The following CLEC10A variants were observed in gnomAD, a reference collection of about 807,000 sequenced individuals.
The protein encoded by CLEC10A is C-type lectin domain containing 10A.
In CLEC10A, 38 loss-of-function variants were observed where a neutral mutation model predicts 42.0. The ratio of observed to expected loss-of-function variants is 0.90; its 90% CI spans 0.70 to 1.18. The LOEUF (loss-of-function observed/expected upper bound fraction) is 1.18, where lower values mean the gene tolerates loss of function less well. Among genes scored for constraint, CLEC10A ranks in the 50% most tolerant of loss-of-function variants. The pLI, the probability that CLEC10A is intolerant of heterozygous loss-of-function variation, is 0.00. For missense variants in CLEC10A, 298 were observed against 345.9 expected (o/e 0.86, Z 1.10); for synonymous variants, 126 against 139.9 (o/e 0.90, Z 0.70).
intron 3 of CLEC10A, among the ~76,000 whole-genome samples, chr17:7,077,675 A>T (rs1447385968): frequency 2.0e-5 from 1 of 50,922 alleles, no homozygotes; most frequent in African/African-American, 8.6e-5. Flanking sequence ...TGCCCCCACC[A>T]CCGTCCCCAT....
At chr17:7,078,510 G>A (rs980312565) in intron 2 of CLEC10A, 21 of 565,058 alleles carry the variant, frequency 3.7e-5, no homozygotes, top group East Asian at 1.4e-4. Flanking sequence ...CCACCAATGC[G>A]CAGCTCTCAT....
In CLEC10A at chr17:7,076,917, C is replaced by T. The variant is rs140873453; in HGVS notation, c.255G>A (p.Ala85=). 77 of 1,613,956 alleles carry T rather than the reference C, an allele frequency of 4.8e-5. No individual in the cohort carries two copies. The Middle Eastern group carries it at 4.9e-4, about 10-fold the overall frequency. Residue 85 remains alanine (A), a synonymous_variant, in exon 4 of 9, where the codon GCG becomes GCA. Transcript: ENST00000416562. ...CCTGGGAAGTCAGTGCCTGGATCTCCGCCACAGTGTTTGAGGTGAAGTTGC... is the reference window on the plus strand; with the variant it reads ...CCTGGGAAGTCAGTGCCTGGATCTCTGCCACAGTGTTTGAGGTGAAGTTGC... The part of the protein sequence containing the change: ...DFSNFTSNTV[A]EIQALTSQGS...
chr17:7,077,850 ATC>A (rs1345376582), intron 3 of CLEC10A, 145 bp downstream of exon 3: 2 of 653,394 alleles, frequency 3.1e-6, no homozygotes, highest in Non-Finnish European at 2.8e-6. Context: ...CCCCATTGTT[ATC>A]TCCACAGCTG....
Position 7,075,393 on chromosome 17 carries a change from C to G in CLEC10A, c.668G>C (p.Trp223Ser), listed in dbSNP as rs1446618384. 1 of 1,520,532 alleles carries G rather than the reference C, an allele frequency of 6.6e-7. No homozygotes were observed. The highest frequency in any genetic ancestry group is 8.8e-7 in the Non-Finnish European group (1 of 1,137,236). The allele number at this position is 1,520,532 out of a possible 1,614,324, so 94.2% of individuals were successfully genotyped here. A position where few individuals can be genotyped will look rare whatever the true frequency, so the allele number is the denominator to read the frequency against. The part of the protein sequence containing the change: ...GLSDPEGAWK[W>S]VDGTDYATGF... ...GGTCGCATAGTCTGTTCCATCCACCCACTTCCAGGCTCCTTCAGGGTCACT... is the reference window on the plus strand; with the variant it reads ...GGTCGCATAGTCTGTTCCATCCACCGACTTCCAGGCTCCTTCAGGGTCACT... Residue 223 changes from tryptophan to serine, a missense_variant, in exon 8 of 9, where the codon TGG (tryptophan) becomes TCG (serine). Around this residue, in one of 3 missense-constraint regions of CLEC10A, gnomAD observed 267 missense variants for 289.5 expected, o/e 0.92. Transcript: ENST00000416562.
intron 8 of CLEC10A, 51 bp from the exon 9 acceptor site, chr17:7,075,273 C>T: frequency 6.6e-7 from 1 of 1,506,514 alleles, no homozygotes; most frequent in South Asian, 1.4e-5. Context: ...GAGTAGAATT[C>T]AGTTCAGGGG....
intron 2 of CLEC10A, chr17:7,078,422 GGCTTAT>G (rs1207687613): frequency 2.0e-6 from 1 of 512,774 alleles, no homozygotes; most frequent in African/African-American, 1.9e-5. Flanking sequence ...GCCCTTCATG[GGCTTAT>G]GCTCACCTAC....
intron 1 of CLEC10A, 132 bp from the exon 2 acceptor site, chr17:7,079,017 A>T (rs1005316765): frequency 2.8e-5 from 17 of 600,770 alleles, no homozygotes; most frequent in African/African-American, 2.8e-4. Context: ...TCGAGTTAGA[A>T]TTGGGGTCGA....
At chr17:7,077,889 C>T in intron 3 of CLEC10A, 108 bp downstream of exon 3, 1 of 828,032 alleles carries the variant, frequency 1.2e-6, no homozygotes, top group Non-Finnish European at 2.0e-6. Context: ...CTGCATTGCT[C>T]CTACTGTGGA....
intron 7 of CLEC10A, 73 bp from the exon 8 acceptor site, chr17:7,075,539 T>C (rs764295074): frequency 2.8e-6 from 4 of 1,436,164 alleles, no homozygotes; most frequent in African/African-American, 2.8e-5. Flanking sequence ...TTCTCAACTT[T>C]AGCTCTTCGT....
chr17:7,077,469 C>T (rs113178463), intron 3 of CLEC10A, among the ~76,000 whole-genome samples: 27 of 75,902 alleles, frequency 3.6e-4, no homozygotes, highest in African/African-American at 1.2e-3. Flanking sequence ...CCCCACCATT[C>T]CCAACAATCA....
In CLEC10A at chr17:7,074,759, A is replaced by C; in HGVS notation, c.*295T>G. 1 of 234,578 alleles carries C rather than the reference A, an allele frequency of 4.3e-6. No homozygotes were observed. The highest frequency in any genetic ancestry group is 8.1e-6 in the Non-Finnish European group (1 of 122,846). 14.5% of individuals were successfully genotyped at this position (234,578 alleles called of 1,614,324 possible). A position where few individuals can be genotyped will look rare whatever the true frequency, so the allele number is the denominator to read the frequency against. On this transcript the variant is annotated 3_prime_UTR_variant, in exon 9 of 9. Coordinates refer to ENST00000416562, the MANE Select transcript of CLEC10A (RefSeq NM_001330070.2). Reference sequence around the variant, plus strand: ...TGTTATCTATTGCGATCGGAGTGGTAGTCACCTAGGCATGCATATTTGTCA... The same window carrying C: ...TGTTATCTATTGCGATCGGAGTGGTCGTCACCTAGGCATGCATATTTGTCA...
chr17:7,079,233 C>T (rs1045232587), intron 1 of CLEC10A, among the ~76,000 whole-genome samples: 1 of 152,016 alleles, frequency 6.6e-6, no homozygotes. Context: ...TCAATTTTGG[C>T]TTTGGGCTGG....
chr17:7,079,786 G>A (rs1313465486), intron 1 of CLEC10A, among the ~76,000 whole-genome samples: 2 of 151,514 alleles, frequency 1.3e-5, no homozygotes, highest in Non-Finnish European at 2.9e-5. Flanking sequence ...TCGGCTCACT[G>A]CAACCTCTGC....
intron 1 of CLEC10A, among the ~76,000 whole-genome samples, chr17:7,079,115 T>C (rs1912033798): frequency 6.6e-6 from 1 of 152,206 alleles, no homozygotes; most frequent in Non-Finnish European, 1.5e-5. Flanking sequence ...CAGGCAGGAC[T>C]GGAGGTTGTA....
intron 1 of CLEC10A, 107 bp from the exon 2 acceptor site, chr17:7,078,992 A>T: frequency 1.6e-6 from 1 of 639,338 alleles, no homozygotes; most frequent in African/African-American, 1.8e-5. Context: ...GACGGAAATG[A>T]GCCTGGGTTT....
rs527525124 is a variant in CLEC10A, at chr17:7,076,427, CA to C, written c.352+305del. ...CCGTGTTCAAGCAATTCTCCTGCCT[CA>C]GCCTCCCTAGTAGCTGAGATTACAG... On this transcript the variant is annotated intron_variant, in intron 5 of 8. Coordinates refer to ENST00000416562, the MANE Select transcript of CLEC10A (RefSeq NM_001330070.2). 5.3e-5 allele frequency among the ~76,000 whole-genome samples: 8 copies of C among 151,370 alleles called. No individual in the cohort carries two copies. In the East Asian group the frequency reaches 1.6e-3, roughly 30 times the overall value.
rs565227659 is a variant in CLEC10A, at chr17:7,076,534, G to A, written c.352+199C>T. 3.9e-4 allele frequency among the ~76,000 whole-genome samples: 59 copies of A among 151,416 alleles called. 1 individual carries two copies. The South Asian group carries it at 0.012, about 31-fold the overall frequency. ...TCACCATGTCGATCAGGCTGCTCTC[G>A]AACTCCTGACCTCGTGATCCACCCG... On this transcript the variant is annotated intron_variant, in intron 5 of 8. Coordinates refer to ENST00000416562, the MANE Select transcript of CLEC10A (RefSeq NM_001330070.2).
At position 7,075,191 on chromosome 17, in the gene CLEC10A, G is replaced by C. The variant is rs1340114928; in HGVS notation, c.733C>G (p.Gln245Glu). 6.4e-7 allele frequency: 1 copy of C among 1,566,330 alleles called. No individual in the cohort carries two copies. The highest frequency in any genetic ancestry group is 1.4e-5 in the African/African-American group (1 of 72,718). Residue 245 changes from glutamine to glutamate, a missense_variant, in exon 9 of 9, where the codon CAG (glutamine) becomes GAG (glutamate). This residue lies in a region of CLEC10A where 267 missense variants were observed against 289.5 expected (regional missense o/e 0.92). Transcript: ENST00000416562. The stretch of plus-strand genomic sequence containing the variant: ...TCGCCTCCACCCAGCCCGTGCCCCT[G>C]CCAGTCGTCTGGCTGGCCTGGCTTC... The part of the protein sequence containing the change: ...NWKPGQPDDW[Q>E]GHGLGGGEDC...
chr17:7,075,838 C>T lies in CLEC10A; in HGVS notation c.487G>A (p.Asp163Asn). ...GAGTGAGAGAACCAGTAGCAGCTGT[C>T]TTGGTGCTCCACCCAGTTGACAGGG... ...CCPVNWVEHQ[D>N]SCYWFSHSGM... Residue 163 changes from aspartate to asparagine, a missense_variant, in exon 7 of 9, where the codon GAC (aspartate) becomes AAC (asparagine). Asp to Asn is a conservative substitution (Grantham distance 23). This residue lies in a region of CLEC10A where 267 missense variants were observed against 289.5 expected (regional missense o/e 0.92). Transcript: ENST00000416562. 6.2e-7 allele frequency: 1 copy of T among 1,614,164 alleles called. No individual in the cohort carries two copies. The highest frequency in any genetic ancestry group is 8.5e-7 in the Non-Finnish European group (1 of 1,179,986).
Sources: allele counts gnomAD v4.1 joint callset (sites outside exome capture counted in the v4.1 genomes callset), GRCh38; gene constraint gnomAD v4.1.1; regional missense constraint gnomAD v4.1.1; transcripts MANE v1.5; gene names NCBI Gene and HGNC (gene_info 2026-07-23, HGNC 2026-07-21).